The following CNTN5 variants were observed in gnomAD, a reference collection of about 807,000 sequenced individuals.
The protein encoded by CNTN5 is contactin-5.
CNTN5 carries 77 observed loss-of-function variants against 129.1 expected under a neutral mutation model. The ratio of observed to expected loss-of-function variants is 0.60; its 90% CI spans 0.50 to 0.72. CNTN5 has a LOEUF of 0.72. Among genes scored for constraint, CNTN5 ranks in the 30% least tolerant of loss-of-function variants. CNTN5 has a pLI of 0.00. For missense variants in CNTN5, 1,478 were observed against 1,328.8 expected (o/e 1.11, Z -1.75); for synonymous variants, 509 against 465.6 (o/e 1.09, Z -1.20).
intron 6 of CNTN5, among the ~76,000 whole-genome samples, chr11:99,861,408 G>A (rs1286132259): frequency 6.6e-6 from 1 of 152,118 alleles, no homozygotes; most frequent in East Asian, 1.9e-4. Flanking sequence ...ATTCACACAA[G>A]GCTGGTGGTA....
intron 8 of CNTN5, among the ~76,000 whole-genome samples, chr11:99,995,155 T>C (rs991879433): frequency 3.3e-5 from 5 of 152,194 alleles, no homozygotes; most frequent in African/African-American, 1.2e-4. Context: ...GGACATTATA[T>C]TGGTGATAAT....
At chr11:99,486,964 T>A in intron 2 of CNTN5, among the ~76,000 whole-genome samples, 1 of 152,204 alleles carries the variant, frequency 6.6e-6, no homozygotes, top group African/African-American at 2.4e-5. Flanking sequence ...TAAGGGGACA[T>A]AGGAACTGCA....
intron 2 of CNTN5, among the ~76,000 whole-genome samples, chr11:99,327,802 A>G (rs1865845168): frequency 6.6e-6 from 1 of 152,208 alleles, no homozygotes; most frequent in Non-Finnish European, 1.5e-5. Context: ...AGTTCCTGCC[A>G]TAATAAGAGG....
chr11:99,607,870 T>A (rs1950471831), intron 3 of CNTN5, among the ~76,000 whole-genome samples: 1 of 127,918 alleles, frequency 7.8e-6, no homozygotes, highest in Non-Finnish European at 1.7e-5. Context: ...AAACACCGCA[T>A]ATTCTCACTC....
At chr11:99,732,372 C>T (rs947190839) in intron 3 of CNTN5, among the ~76,000 whole-genome samples, 1 of 149,750 alleles carries the variant, frequency 6.7e-6, no homozygotes, top group Non-Finnish European at 1.5e-5. Flanking sequence ...AGCAGAAATA[C>T]ATTTTAAAAA....
At chr11:99,184,682 GGC>G (rs1858248771) in intron 1 of CNTN5, among the ~76,000 whole-genome samples, 3 of 151,980 alleles carry the variant, frequency 2.0e-5, no homozygotes. Flanking sequence ...GATTTAAAAT[GGC>G]ACACTGCCAT....
intron 1 of CNTN5, among the ~76,000 whole-genome samples, chr11:99,157,025 A>G (rs1346741551): frequency 6.6e-6 from 1 of 152,032 alleles, no homozygotes; most frequent in East Asian, 1.9e-4. Context: ...CTAAAACAAA[A>G]ATAATAAAAC....
At chr11:99,790,057 C>G (rs896309760) in intron 3 of CNTN5, among the ~76,000 whole-genome samples, 1 of 152,056 alleles carries the variant, frequency 6.6e-6, no homozygotes, top group Non-Finnish European at 1.5e-5. Flanking sequence ...TGTTAATTCA[C>G]TTAAGATAAT....
chr11:99,925,717 G>GC (rs1950045506), intron 7 of CNTN5, among the ~76,000 whole-genome samples: 1 of 151,840 alleles, frequency 6.6e-6, no homozygotes, highest in South Asian at 2.1e-4. Flanking sequence ...TTGTTTTGTG[G>GC]GTTTTTTTTT....
intron 1 of CNTN5, among the ~76,000 whole-genome samples, chr11:99,106,216 AG>A (rs1455595658): frequency 1.3e-5 from 2 of 152,260 alleles, no homozygotes; most frequent in African/African-American, 4.8e-5. Context: ...TTGATCAAAA[AG>A]TAAATACCCA....
Position 99,675,196 on chromosome 11 carries a change from A to G in CNTN5, c.55+118927A>G, listed in dbSNP as rs549551161. 2.0e-5 allele frequency among the ~76,000 whole-genome samples: 3 copies of G among 152,276 alleles called. No homozygotes were observed. The South Asian group carries it at 6.2e-4, about 32-fold the overall frequency. On this transcript the variant is annotated intron_variant, in intron 3 of 24. Coordinates refer to ENST00000524871, the MANE Select transcript of CNTN5 (RefSeq NM_014361.4). ...ATTGACTAACTAGTGCTAAATGAGT[A>G]CAATCTAGTAGGATAGTCACTTTAA... is the stretch of plus-strand genomic sequence containing the variant.
At chr11:99,248,750 G>A (rs745895720) in intron 1 of CNTN5, among the ~76,000 whole-genome samples, 21 of 152,172 alleles carry the variant, frequency 1.4e-4, no homozygotes, top group Non-Finnish European at 2.5e-4. Flanking sequence ...GTTTTTGTCA[G>A]GTTTGTCAAA....
intron 1 of CNTN5, among the ~76,000 whole-genome samples, chr11:99,312,316 A>C (rs572684449): frequency 6.6e-6 from 1 of 152,100 alleles, no homozygotes; most frequent in Non-Finnish European, 1.5e-5. Flanking sequence ...TCCTCTAAAA[A>C]ATTATCTTGT....
intron 3 of CNTN5, among the ~76,000 whole-genome samples, chr11:99,599,411 TA>T (rs1335374816): frequency 2.0e-5 from 3 of 152,188 alleles, no homozygotes; most frequent in Non-Finnish European, 2.9e-5. Flanking sequence ...ATTTGTGTAT[TA>T]TTTTACATAT....
At chr11:99,503,429 C>A (rs2135388904) in intron 2 of CNTN5, among the ~76,000 whole-genome samples, 1 of 152,260 alleles carries the variant, frequency 6.6e-6, no homozygotes, top group South Asian at 2.1e-4. Flanking sequence ...AGATTCTCAG[C>A]CTCATATTCA....
At chr11:99,865,467 G>A (rs1327515104) in intron 6 of CNTN5, among the ~76,000 whole-genome samples, 18 of 150,904 alleles carry the variant, frequency 1.2e-4, no homozygotes, top group Admixed American at 1.2e-3. Context: ...ATTTTACCAG[G>A]AAAAAATCAT....
At chr11:100,284,903 G>T (rs2138832722) in intron 18 of CNTN5, among the ~76,000 whole-genome samples, 1 of 152,250 alleles carries the variant, frequency 6.6e-6, no homozygotes, top group Non-Finnish European at 1.5e-5. Flanking sequence ...TATAATGAAA[G>T]GTTGGAGTTT....
At chr11:100,157,939 A>AAAGT (rs1947312687) in intron 13 of CNTN5, among the ~76,000 whole-genome samples, 1 of 151,852 alleles carries the variant, frequency 6.6e-6, no homozygotes, top group African/African-American at 2.4e-5. Flanking sequence ...TCTAAATACA[A>AAAGT]AAGTAAACAT....
intron 17 of CNTN5, among the ~76,000 whole-genome samples, chr11:100,257,918 A>G (rs1373826056): frequency 1.3e-5 from 2 of 152,188 alleles, no homozygotes; most frequent in East Asian, 3.9e-4. Flanking sequence ...CAGCAAGGGA[A>G]CAAAACTGGA....
Sources: allele counts gnomAD v4.1 joint callset (sites outside exome capture counted in the v4.1 genomes callset), GRCh38; gene constraint gnomAD v4.1.1; transcripts MANE v1.5; gene names NCBI Gene and HGNC (gene_info 2026-07-23, HGNC 2026-07-21).